The following ELP4 variants were observed in gnomAD, a reference collection of about 807,000 sequenced individuals.
ELP4 encodes the protein elongator acetyltransferase complex subunit 4, also known as elongator complex protein 4.
Under a neutral mutation model 48.9 loss-of-function variants are expected in ELP4, and 51 were observed. The observed-to-expected ratio is 1.04, with a 90% CI of 0.83 to 1.32. The LOEUF is 1.32. Among genes scored for constraint, ELP4 ranks in the 40% most tolerant of loss-of-function variants. The pLI is 0.00. For synonymous variants in ELP4, 210 were observed against 189.2 expected, an observed-to-expected ratio of 1.11 and a Z score of -0.90; for missense variants, 519 against 514.6, an observed-to-expected ratio of 1.01 and a Z score of -0.08.
At chr11:31,549,827 G>T (rs1374309341) in intron 3 of ELP4, among the ~76,000 whole-genome samples, 1 of 152,216 alleles carries the variant, frequency 6.6e-6, no homozygotes, top group Non-Finnish European at 1.5e-5. Context: ...ATGAGTTCAT[G>T]TCCTTTGTAG....
chr11:31,547,230 G>C (rs1266593244), intron 3 of ELP4, among the ~76,000 whole-genome samples: 1 of 152,124 alleles, frequency 6.6e-6, no homozygotes, highest in Non-Finnish European at 1.5e-5. Flanking sequence ...AAAATTGATA[G>C]ACTGCTAGCA....
intron 3 of ELP4, among the ~76,000 whole-genome samples, chr11:31,543,325 GT>G (rs1264194663): frequency 2.6e-5 from 4 of 151,892 alleles, no homozygotes; most frequent in African/African-American, 9.7e-5. Context: ...TTTGTTTTTT[GT>G]TTTTTGTTTT....
chr11:31,613,299 T>C (rs1364616416), intron 5 of ELP4, among the ~76,000 whole-genome samples: 1 of 152,166 alleles, frequency 6.6e-6, no homozygotes, highest in Admixed American at 6.5e-5. Flanking sequence ...ATTCAGGAGA[T>C]GTTAATTTAG....
chr11:31,639,635 AGTATAT>A (rs1439812213), intron 7 of ELP4, among the ~76,000 whole-genome samples: 3 of 151,926 alleles, frequency 2.0e-5, no homozygotes, highest in African/African-American at 4.8e-5. Flanking sequence ...TAAGCATAGT[AGTATAT>A]GTATAACTTT....
chr11:31,514,707 A>G (rs1489372502), intron 1 of ELP4, among the ~76,000 whole-genome samples: 1 of 152,202 alleles, frequency 6.6e-6, no homozygotes, highest in Non-Finnish European at 1.5e-5. Flanking sequence ...GGAATTAGAT[A>G]AAATTACTAA....
At chr11:31,526,550 A>G (rs1340261615) in intron 2 of ELP4, among the ~76,000 whole-genome samples, 1 of 152,070 alleles carries the variant, frequency 6.6e-6, no homozygotes, top group Non-Finnish European at 1.5e-5. Context: ...GTAGTATACT[A>G]CTTTATCCTA....
intron 9 of ELP4, among the ~76,000 whole-genome samples, chr11:31,667,650 A>T (rs1281586423): frequency 1.3e-5 from 2 of 152,176 alleles, no homozygotes; most frequent in African/African-American, 2.4e-5. Flanking sequence ...TGAAGTTTAT[A>T]TAATTCCACA....
intron 9 of ELP4, among the ~76,000 whole-genome samples, chr11:31,710,264 G>T (rs534778216): frequency 6.6e-6 from 1 of 152,152 alleles, no homozygotes; most frequent in Non-Finnish European, 1.5e-5. Context: ...AACAAGATTT[G>T]TATGGACAGA....
chr11:31,703,653 C>A (rs1946572656), intron 9 of ELP4, among the ~76,000 whole-genome samples: 1 of 152,246 alleles, frequency 6.6e-6, no homozygotes, highest in Middle Eastern at 3.4e-3. Context: ...GTACCTTACA[C>A]CTTAGTTGTG....
intron 3 of ELP4, among the ~76,000 whole-genome samples, chr11:31,552,078 C>T (rs1956862704): frequency 6.6e-6 from 1 of 152,146 alleles, no homozygotes; most frequent in African/African-American, 2.4e-5. Context: ...TGACTTGCCT[C>T]ATCAATAGCA....
intron 9 of ELP4, chr11:31,706,918 C>G (rs1029656490): frequency 2.5e-6 from 1 of 397,660 alleles, no homozygotes; most frequent in Non-Finnish European, 4.4e-6. Context: ...GGATTACATT[C>G]TTTTTTATTG....
chr11:31,683,362 TG>T (rs1417972887), intron 9 of ELP4, among the ~76,000 whole-genome samples: 1 of 152,208 alleles, frequency 6.6e-6, no homozygotes, highest in Non-Finnish European at 1.5e-5. Context: ...TTATAATTTT[TG>T]TACCACTTCA....
At chr11:31,594,513 A>G (rs557731327) in intron 3 of ELP4, among the ~76,000 whole-genome samples, 13 of 152,102 alleles carry the variant, frequency 8.5e-5, no homozygotes, top group African/African-American at 2.9e-4. Context: ...TAGAATGGCA[A>G]TTGATTTTTG....
chr11:31,630,476 G>A (rs1012079059), intron 6 of ELP4, among the ~76,000 whole-genome samples: 7 of 151,432 alleles, frequency 4.6e-5, no homozygotes, highest in East Asian at 1.9e-4. Flanking sequence ...CTACAGGTGC[G>A]CACCACCACA....
intron 5 of ELP4, among the ~76,000 whole-genome samples, chr11:31,618,723 G>T (rs1285614419): frequency 1.3e-5 from 2 of 152,058 alleles, no homozygotes; most frequent in African/African-American, 4.8e-5. Flanking sequence ...GTTCCTTAGG[G>T]CTAGGAGAAT....
chr11:31,776,975 GGTT>G (rs1948261409), intron 9 of ELP4, among the ~76,000 whole-genome samples: 1 of 152,028 alleles, frequency 6.6e-6, no homozygotes, highest in South Asian at 2.1e-4. Context: ...GCAAATATTT[GGTT>G]CTGGCATTGT....
chr11:31,523,802 C>T (rs1451894669), intron 2 of ELP4, among the ~76,000 whole-genome samples: 1 of 151,970 alleles, frequency 6.6e-6, no homozygotes, highest in East Asian at 1.9e-4. Context: ...TGCTTAAGTA[C>T]TGGAATAGGC....
rs1325220670 is a variant in ELP4 at position 31,539,601 on chromosome 11, T to C, written c.260-61T>C. On this transcript the variant is annotated intron_variant, in intron 2 of 9. Coordinates refer to ENST00000640961, the MANE Select transcript of ELP4 (RefSeq NM_019040.5). ...AAAACATATGAGTGTGCTTGCTGTT[T>C]GATAGCCATTTGATTCTTTTCTTGC... The C allele has an allele frequency of 5.9e-6, 9 of 1,521,138 alleles. 1 individual carries two copies. The Admixed American group carries it at 1.2e-4, about 20-fold the overall frequency. 94.2% of individuals were successfully genotyped at this position (1,521,138 alleles called of 1,614,324 possible).
At chr11:31,590,275 T>C (rs1020776878) in intron 3 of ELP4, among the ~76,000 whole-genome samples, 1 of 152,172 alleles carries the variant, frequency 6.6e-6, no homozygotes, top group African/African-American at 2.4e-5. Flanking sequence ...TTATTGTTAC[T>C]AAATTTGTTC....
Sources: allele counts gnomAD v4.1 joint callset (sites outside exome capture counted in the v4.1 genomes callset), GRCh38; gene constraint gnomAD v4.1.1; transcripts MANE v1.5; gene names NCBI Gene and HGNC (gene_info 2026-07-23, HGNC 2026-07-21).